ROBO1: variants seen among roughly 807,000 people sequenced by gnomAD.
ROBO1 encodes roundabout homolog 1.
ROBO1 carries 149 observed loss-of-function variants against 195.9 expected under a neutral mutation model. That is an observed-to-expected ratio of 0.76 (90% CI 0.67 to 0.87). The LOEUF (loss-of-function observed/expected upper bound fraction) is 0.87. Among genes scored for constraint, ROBO1 ranks in the 40% least tolerant of loss-of-function variants. The probability of loss-of-function intolerance (pLI) is 0.00; values close to 1 mark genes in which losing one functional copy is unlikely to be tolerated. For missense variants in ROBO1, 1,933 were observed against 2,068.3 expected, an observed-to-expected ratio of 0.93 and a Z score of 1.27; for synonymous variants, 816 against 733.2, an observed-to-expected ratio of 1.11 and a Z score of -1.82.
intron 3 of ROBO1, among the ~76,000 whole-genome samples, chr3:79,116,419 C>CGCTCT (rs760437043): frequency 6.9e-6 from 1 of 145,582 alleles, no homozygotes; most frequent in African/African-American, 2.5e-5. Flanking sequence ...CCTTCCTTCT[C>CGCTCT]TATTTTCTTT....
intron 2 of ROBO1, among the ~76,000 whole-genome samples, chr3:79,560,124 T>C (rs998606349): frequency 2.0e-5 from 3 of 151,944 alleles, no homozygotes; most frequent in African/African-American, 7.3e-5. Flanking sequence ...AGAATTTCTA[T>C]ATCAAGGAGA....
At chr3:79,239,266 A>G (rs1234443217) in intron 2 of ROBO1, among the ~76,000 whole-genome samples, 1 of 152,220 alleles carries the variant, frequency 6.6e-6, no homozygotes, top group Non-Finnish European at 1.5e-5. Flanking sequence ...TTAGGAACAC[A>G]TTTACAACTA....
chr3:79,216,046 C>T (rs1462115548), intron 2 of ROBO1, among the ~76,000 whole-genome samples: 2 of 151,964 alleles, frequency 1.3e-5, no homozygotes. Context: ...TTATCCTATA[C>T]CTCGTCAGGC....
chr3:79,430,257 A>C (rs1429039117), intron 2 of ROBO1, among the ~76,000 whole-genome samples: 6 of 152,260 alleles, frequency 3.9e-5, no homozygotes, highest in Admixed American at 2.0e-4. Flanking sequence ...GTAAATTTTC[A>C]GAAATTAAGT....
In ROBO1 at chr3:79,340,396, T is replaced by G. The variant is rs78159575; in HGVS notation, c.89-214857A>C. ...ATTAGCCTTTTCAGGTAAACTTGGATCATGACTTGAATAAGGGGAGAGTAT... is the reference window on the plus strand; with the variant it reads ...ATTAGCCTTTTCAGGTAAACTTGGAGCATGACTTGAATAAGGGGAGAGTAT... On this transcript the variant is annotated intron_variant, in intron 2 of 30. Transcript: ENST00000464233. Among the ~76,000 whole-genome samples, 4 of 152,188 alleles carry G rather than the reference T, an allele frequency of 2.6e-5. No homozygotes were observed. The South Asian group carries it at 8.3e-4, about 32-fold the overall frequency.
chr3:78,871,215 G>A (rs568830882), intron 4 of ROBO1, among the ~76,000 whole-genome samples: 4 of 152,244 alleles, frequency 2.6e-5, no homozygotes, highest in South Asian at 2.1e-4. Flanking sequence ...GATGGAGAGC[G>A]GCACAGGGAA....
intron 4 of ROBO1, among the ~76,000 whole-genome samples, chr3:78,911,800 C>T (rs113277728): frequency 6.6e-6 from 1 of 152,026 alleles, no homozygotes; most frequent in Non-Finnish European, 1.5e-5. Context: ...TACACAGAAT[C>T]TAACAACATT....
rs573384056 is a variant in ROBO1, at chr3:79,486,051, G to A, written c.88+103773C>T. Among the ~76,000 whole-genome samples, 14 of 152,126 alleles carry A rather than the reference G, an allele frequency of 9.2e-5. No homozygotes were observed. In the South Asian group the frequency reaches 2.3e-3, roughly 25 times the overall value. On this transcript the variant is annotated intron_variant, in intron 2 of 30. Coordinates refer to ENST00000464233, the MANE Select transcript of ROBO1 (RefSeq NM_002941.4). ...CCAGTTCTGATGCTAATAATCACAT[G>A]TCCTTGAAAACATGTTATTCTTTAT...
chr3:79,606,055 C>G lies in ROBO1; in HGVS notation c.-50-16094G>C, dbSNP rs138384919. ...ACCCACATATATATATATATATACA[C>G]CCATTTAGCCACCACCCTGATCACA... On this transcript the variant is annotated intron_variant, in intron 1 of 30. Coordinates refer to ENST00000464233, the MANE Select transcript of ROBO1 (RefSeq NM_002941.4). 4.3e-3 allele frequency among the ~76,000 whole-genome samples: 582 copies of G among 133,902 alleles called. 7 individuals are homozygous for G. Among genetic ancestry groups the G allele is most frequent in the African/African-American group, 0.017 (513 of 29,658 alleles). 87.8% of individuals were successfully genotyped at this position (133,902 alleles called of 152,430 possible). A position where few individuals can be genotyped will look rare whatever the true frequency, so the allele number is the denominator to read the frequency against.
chr3:79,642,661 C>G (rs1446029865), intron 1 of ROBO1, among the ~76,000 whole-genome samples: 1 of 152,060 alleles, frequency 6.6e-6, no homozygotes, highest in Non-Finnish European at 1.5e-5. Context: ...CTGTATCCAA[C>G]AAATCTATCC....
At chr3:79,678,732 A>T (rs534697460) in intron 1 of ROBO1, among the ~76,000 whole-genome samples, 2 of 152,230 alleles carry the variant, frequency 1.3e-5, no homozygotes, top group South Asian at 4.1e-4. Flanking sequence ...CATGGAAGAA[A>T]TTGGTAGAAA....
At position 78,752,498 on chromosome 3, in the gene ROBO1, C is replaced by T. The variant is rs574939428; in HGVS notation, c.500-5598G>A. ...TTGAAGGCTGGATCAGAAAGCATAT[C>T]ATAAAGTCTTCTATAACTATTTTCA... On this transcript the variant is annotated intron_variant, in intron 4 of 30. Transcript: ENST00000464233. Among the ~76,000 whole-genome samples, 67 of 152,220 alleles carry T rather than the reference C, an allele frequency of 4.4e-4. 1 individual carries two copies. Among genetic ancestry groups the T allele is most frequent in the Middle Eastern group, 6.8e-3 (2 of 294 alleles).
At chr3:79,732,085 G>T (rs1214420324) in intron 1 of ROBO1, among the ~76,000 whole-genome samples, 1 of 151,946 alleles carries the variant, frequency 6.6e-6, no homozygotes, top group Non-Finnish European at 1.5e-5. Flanking sequence ...CTCTAGGTTT[G>T]TGTATACAAA....
At chr3:79,617,109 C>T (rs1944849157) in intron 1 of ROBO1, among the ~76,000 whole-genome samples, 1 of 152,092 alleles carries the variant, frequency 6.6e-6, no homozygotes, top group Non-Finnish European at 1.5e-5. Context: ...TTCTACCTGC[C>T]TAGGACAAGG....
intron 2 of ROBO1, among the ~76,000 whole-genome samples, chr3:79,251,615 G>A (rs1037796682): frequency 1.3e-5 from 2 of 152,158 alleles, no homozygotes; most frequent in African/African-American, 4.8e-5. Flanking sequence ...GCTGGGCATG[G>A]TGGCGGACGC....
At chr3:79,693,383 TTGTGTGTGTGTGTG>T (rs55667736) in intron 1 of ROBO1, among the ~76,000 whole-genome samples, 41,492 of 145,168 alleles carry the variant, frequency 0.29, 6,990 homozygotes, top group South Asian at 0.48. Flanking sequence ...ATATAGAGAT[TTGTGTGTGTGTGTG>T]TGTGTGTGTG....
intron 4 of ROBO1, among the ~76,000 whole-genome samples, chr3:78,771,015 T>C (rs758735607): frequency 1.8e-4 from 28 of 152,068 alleles, no homozygotes; most frequent in Non-Finnish European, 3.8e-4. Context: ...TTTAGTGAGC[T>C]ATGATCACAC....
intron 8 of ROBO1, among the ~76,000 whole-genome samples, chr3:78,693,734 A>G (rs764327834): frequency 3.3e-5 from 5 of 152,214 alleles, no homozygotes; most frequent in Non-Finnish European, 7.3e-5. Flanking sequence ...CTAAAACTAC[A>G]CAGAAATCAA....
At chr3:79,044,755 A>G (rs369787359) in intron 3 of ROBO1, among the ~76,000 whole-genome samples, 96 of 152,266 alleles carry the variant, frequency 6.3e-4, no homozygotes, top group African/African-American at 2.2e-3. Context: ...AAATAGGCAT[A>G]TAGATAAAGA....
Sources: allele counts gnomAD v4.1 joint callset (sites outside exome capture counted in the v4.1 genomes callset), GRCh38; gene constraint gnomAD v4.1.1; transcripts MANE v1.5; gene names NCBI Gene and HGNC (gene_info 2026-07-23, HGNC 2026-07-21).